The following UGT1A6 variants were observed in gnomAD, a reference collection of about 807,000 sequenced individuals.
UGT1A6 encodes UDP-glucuronosyltransferase 1A6.
UGT1A6 carries 32 observed loss-of-function variants against 44.4 expected under a neutral mutation model. The ratio of observed to expected loss-of-function variants is 0.72; its 90% confidence interval spans 0.54 to 0.97. The LOEUF (loss-of-function observed/expected upper bound fraction) is 0.97, where lower values mean the gene tolerates loss of function less well. Among genes scored for constraint, UGT1A6 ranks in the 50% least tolerant of loss-of-function variants. The probability of loss-of-function intolerance (pLI) is 0.00; values close to 1 mark genes in which losing one functional copy is unlikely to be tolerated. For synonymous variants in UGT1A6, 238 were observed against 248.5 expected, an observed-to-expected ratio of 0.96 and a Z score of 0.40; for missense variants, 685 against 661.9, an observed-to-expected ratio of 1.03 and a Z score of -0.38.
chr2:233,697,037 C>CT (rs533697413), intron 1 of UGT1A6, among the ~76,000 whole-genome samples: 10 of 150,934 alleles, frequency 6.6e-5, no homozygotes, highest in South Asian at 2.1e-4. Flanking sequence ...CCGCAGTTTT[C>CT]TTTTTTTTTG....
intron 1 of UGT1A6, 59 bp from the exon 2 acceptor site, chr2:233,766,975 T>C (rs1262639275): frequency 2.5e-6 from 4 of 1,612,148 alleles, no homozygotes; most frequent in Non-Finnish European, 2.5e-6. Context: ...TAACTTACTG[T>C]ATGTAGTCAT....
intron 1 of UGT1A6, among the ~76,000 whole-genome samples, chr2:233,705,617 C>T (rs2075860928): frequency 6.6e-6 from 1 of 152,152 alleles, no homozygotes; most frequent in South Asian, 2.1e-4. Context: ...AGAGAAGAAA[C>T]TGAGTTGACA....
chr2:233,736,308 T>C (rs1250743024), intron 1 of UGT1A6, among the ~76,000 whole-genome samples: 1 of 152,222 alleles, frequency 6.6e-6, no homozygotes, highest in African/African-American at 2.4e-5. Flanking sequence ...TAATCAGCTA[T>C]TGAATTTTGT....
intron 1 of UGT1A6, chr2:233,743,056 A>T: frequency 3.1e-6 from 1 of 325,774 alleles, no homozygotes; most frequent in South Asian, 2.6e-5. Context: ...AGTCCCAACG[A>T]TAAGAACAGG....
At chr2:233,758,159 G>T (rs1281366344) in intron 1 of UGT1A6, among the ~76,000 whole-genome samples, 1 of 152,206 alleles carries the variant, frequency 6.6e-6, no homozygotes, top group African/African-American at 2.4e-5. Context: ...AATGGGTTCT[G>T]CTTTGGTTTC....
chr2:233,765,059 C>A (rs917650453), intron 1 of UGT1A6, among the ~76,000 whole-genome samples: 1 of 152,076 alleles, frequency 6.6e-6, no homozygotes, highest in African/African-American at 2.4e-5. Context: ...TGAGCCCTGT[C>A]AGAGGTCTCC....
At chr2:233,712,971 C>T (rs374909970) in intron 1 of UGT1A6, 564 of 1,612,936 alleles carry the variant, frequency 3.5e-4, no homozygotes, top group Non-Finnish European at 4.5e-4. Context: ...GGACAGTCAG[C>T]TGTCGGTGGC....
intron 1 of UGT1A6, among the ~76,000 whole-genome samples, chr2:233,752,840 A>G (rs1357477181): frequency 6.6e-6 from 1 of 152,242 alleles, no homozygotes; most frequent in African/African-American, 2.4e-5. Flanking sequence ...AATCTAGGAT[A>G]TATCAAAATT....
chr2:233,751,877 G>T (rs567472475), intron 1 of UGT1A6, among the ~76,000 whole-genome samples: 1 of 152,132 alleles, frequency 6.6e-6, no homozygotes, highest in Admixed American at 6.5e-5. Flanking sequence ...ACCCCGTCTT[G>T]GGTATGTCTT....
intron 1 of UGT1A6, chr2:233,740,656 G>A (rs17862875): frequency 0.3 from 44,719 of 151,578 alleles, 6,954 homozygotes; most frequent in South Asian, 0.39. Flanking sequence ...TGTACTTGGT[G>A]AGAAGGTACA....
chr2:233,729,934 A>G (rs45449995), intron 1 of UGT1A6: 47,426 of 1,614,076 alleles, frequency 0.029, 771 homozygotes, highest in African/African-American at 0.049. Context: ...CAGGCCAATC[A>G]TGCCCAACAT....
intron 1 of UGT1A6, among the ~76,000 whole-genome samples, chr2:233,727,909 C>T (rs1033821575): frequency 6.6e-6 from 1 of 152,200 alleles, no homozygotes; most frequent in Non-Finnish European, 1.5e-5. Context: ...CAAGAAGACA[C>T]AGGGGCAGTG....
At chr2:233,729,551 A>C (rs749535297) in intron 1 of UGT1A6, 5 of 1,614,156 alleles carry the variant, frequency 3.1e-6, no homozygotes, top group Non-Finnish European at 3.4e-6. Context: ...AGGCACCTGA[A>C]TGCTACTTCC....
At chr2:233,755,104 A>G in intron 1 of UGT1A6, 1 of 1,334,996 alleles carries the variant, frequency 7.5e-7, no homozygotes, top group African/African-American at 1.5e-5. Flanking sequence ...GCGTCCGACA[A>G]CACCTCGTAG....
intron 1 of UGT1A6, among the ~76,000 whole-genome samples, chr2:233,699,339 T>TA (rs1207197999): frequency 6.6e-6 from 1 of 152,220 alleles, no homozygotes; most frequent in African/African-American, 2.4e-5. Flanking sequence ...TCATCCACCC[T>TA]AGGGCTAACC....
rs547291485 is a variant in UGT1A6, at chr2:233,711,384, G to C, written c.861+17519G>C. 6.2e-3 allele frequency among the ~76,000 whole-genome samples: 952 copies of C among 152,360 alleles called. 6 individuals carry two copies. Among genetic ancestry groups the C allele is most frequent in the Non-Finnish European group, 0.012 (789 of 68,018 alleles). ...TGAATGTGGTGAGAGCACCCTCCCA[G>C]GTGTGTTCCACCCTCACCCCGGGCT... On this transcript the variant is annotated intron_variant, in intron 1 of 4. Transcript: ENST00000305139.
At chr2:233,724,657 C>A (rs536267654) in intron 1 of UGT1A6, among the ~76,000 whole-genome samples, 1 of 142,620 alleles carries the variant, frequency 7.0e-6, no homozygotes, top group Non-Finnish European at 1.5e-5. Flanking sequence ...TGGGAAGAGG[C>A]GCTCCTCACT....
intron 1 of UGT1A6, among the ~76,000 whole-genome samples, chr2:233,707,023 C>G (rs892519669): frequency 1.1e-4 from 16 of 152,136 alleles, no homozygotes; most frequent in African/African-American, 3.6e-4. Flanking sequence ...CATGGTCAGC[C>G]AGCCCCCAAG....
At chr2:233,714,881 T>G (rs1441745966) in intron 1 of UGT1A6, among the ~76,000 whole-genome samples, 1 of 150,308 alleles carries the variant, frequency 6.7e-6, no homozygotes, top group East Asian at 2.0e-4. Flanking sequence ...ATCTTTTAAA[T>G]TTTTCTATCT....
Sources: allele counts gnomAD v4.1 joint callset (sites outside exome capture counted in the v4.1 genomes callset), GRCh38; gene constraint gnomAD v4.1.1; transcripts MANE v1.5; gene names NCBI Gene and HGNC (gene_info 2026-07-23, HGNC 2026-07-21).